Variants in LRRK2 observed in about 807,000 individuals in gnomAD.
The protein encoded by LRRK2 is leucine-rich repeat serine/threonine-protein kinase 2.
A neutral mutation model predicts 302.6 loss-of-function variants in LRRK2; 203 were observed. The observed-to-expected ratio is 0.67, with a 90% CI of 0.60 to 0.75. The LOEUF is 0.75. Ranked by LOEUF, LRRK2 falls within the 30% of genes least tolerant of loss-of-function variation. The pLI is 0.00. For synonymous variants in LRRK2, 1,066 were observed against 1,031.9 expected, an observed-to-expected ratio of 1.03 and a Z score of -0.63; for missense variants, 2,830 against 2,951.0, an observed-to-expected ratio of 0.96 and a Z score of 0.95.
At chr12:40,364,244 C>T (rs1387767297) in intron 48 of LRRK2, among the ~76,000 whole-genome samples, 2 of 151,930 alleles carry the variant, frequency 1.3e-5, no homozygotes, top group African/African-American at 4.8e-5. Flanking sequence ...TTAGATTCAT[C>T]TGACAGTTTT....
intron 2 of LRRK2, among the ~76,000 whole-genome samples, chr12:40,226,595 G>C (rs17490620): frequency 2.0e-5 from 3 of 152,086 alleles, no homozygotes; most frequent in Admixed American, 6.5e-5. Context: ...GAACCATCTA[G>C]CTTCTTTGAT....
rs1945448453 is a variant in LRRK2, at chr12:40,323,076, CATT to C, written c.5510-80_5510-78del. The C allele has an allele frequency of 1.3e-5, 14 of 1,102,934 alleles. No individual in the cohort carries two copies. The South Asian group carries it at 1.9e-4, about 15-fold the overall frequency. The allele number at this position is 1,102,934 out of a possible 1,614,324, so 68.3% of individuals were successfully genotyped here. A position where few individuals can be genotyped will look rare whatever the true frequency, so the allele number is the denominator to read the frequency against. ...GGATTAGAAATTATAGAAAATATTC[CATT>C]ATTTTTTCACATCAAAACCACAAAT... is the stretch of plus-strand genomic sequence containing the variant. On this transcript the variant is annotated intron_variant, in intron 37 of 50. Coordinates refer to ENST00000298910, the MANE Select transcript of LRRK2 (RefSeq NM_198578.4).
chr12:40,354,184 G>A, intron 44 of LRRK2, 115 bp from the exon 45 acceptor site: 2 of 849,602 alleles, frequency 2.4e-6, no homozygotes, highest in African/African-American at 1.7e-5. Flanking sequence ...GTTTTTAAAA[G>A]TAATGCAAGA....
chr12:40,322,310 A>G lies in LRRK2; in HGVS notation c.5318-9A>G. The G allele has an allele frequency of 6.2e-7, 1 of 1,613,342 alleles. No individual in the cohort carries two copies. The highest frequency in any genetic ancestry group is 2.2e-5 in the East Asian group (1 of 44,842). On this transcript the variant is annotated splice_polypyrimidine_tract_variant and intron_variant, in intron 36 of 50. Transcript: ENST00000298910. ...GACAAGGTGTTGAGCTCTGTTTTGA[A>G]TCATGTAGGCTGTATTCTTTTGGGC... is the stretch of plus-strand genomic sequence containing the variant.
rs1945426666 is a variant in LRRK2 at position 40,322,304 on chromosome 12, T to C, written c.5318-15T>C. On this transcript the variant is annotated splice_polypyrimidine_tract_variant and intron_variant, in intron 36 of 50. Coordinates refer to ENST00000298910, the MANE Select transcript of LRRK2 (RefSeq NM_198578.4). Reference sequence around the variant, plus strand: ...GGTTTAGACAAGGTGTTGAGCTCTGTTTTGAATCATGTAGGCTGTATTCTT... The same window carrying C: ...GGTTTAGACAAGGTGTTGAGCTCTGCTTTGAATCATGTAGGCTGTATTCTT... 3.1e-6 allele frequency: 5 copies of C among 1,613,556 alleles called. No individual in the cohort carries two copies. Among genetic ancestry groups the C allele is most frequent in the Non-Finnish European group, 3.4e-6 (4 of 1,179,560 alleles).
chr12:40,322,520 G>T lies in LRRK2; in HGVS notation c.5509+10G>T. On this transcript the variant is annotated intron_variant, in intron 37 of 50. Transcript: ENST00000298910. ...AAGAAAGCAGAGGAAGGTATGTTTT[G>T]ATACAACTTACAAATGCTTTTAAGT... The T allele has an allele frequency of 1.9e-6, 3 of 1,610,404 alleles. No homozygotes were observed. Among genetic ancestry groups the T allele is most frequent in the South Asian group, 1.1e-5 (1 of 90,674 alleles).
intron 14 of LRRK2, among the ~76,000 whole-genome samples, 157 bp from the exon 15 acceptor site, chr12:40,274,426 A>C (rs1943364800): frequency 6.6e-6 from 1 of 152,234 alleles, no homozygotes; most frequent in African/African-American, 2.4e-5. Flanking sequence ...CTTATTCTTC[A>C]TAATAAATAA....
intron 33 of LRRK2, among the ~76,000 whole-genome samples, chr12:40,317,998 T>A (rs1192627887): frequency 6.6e-6 from 1 of 152,052 alleles, no homozygotes; most frequent in East Asian, 1.9e-4. Context: ...GGTACATGCA[T>A]GTTTTTGGAG....
intron 23 of LRRK2, 129 bp from the exon 24 acceptor site, chr12:40,298,114 G>A: frequency 1.1e-6 from 1 of 894,050 alleles, no homozygotes; most frequent in South Asian, 1.6e-5. Context: ...TTCTGTTGTG[G>A]ATTGTGTTTT....
chr12:40,264,043 G>A (rs1942896211), intron 14 of LRRK2, 142 bp downstream of exon 14: 3 of 636,954 alleles, frequency 4.7e-6, no homozygotes, highest in Non-Finnish European at 8.5e-6. Context: ...GACATAAGAT[G>A]ACAGTGGGGA....
Position 40,331,479 on chromosome 12 carries a change from A to G in LRRK2, c.5757+3019A>G, listed in dbSNP as rs116447010. ...TTTGCTTCTTAATCTGCTGCAGAGT[A>G]TCTAGATCAGGGTGTCCAATCTTTT... On this transcript the variant is annotated intron_variant, in intron 39 of 50. Coordinates refer to ENST00000298910, the MANE Select transcript of LRRK2 (RefSeq NM_198578.4). 7.6e-3 allele frequency among the ~76,000 whole-genome samples: 1,156 copies of G among 152,280 alleles called. 17 individuals are homozygous for G. Among genetic ancestry groups the G allele is most frequent in the African/African-American group, 0.026 (1,075 of 41,526 alleles).
Position 40,352,907 on chromosome 12 carries a change from C to T in LRRK2, c.6576+1174C>T, listed in dbSNP as rs1461237288. Among the ~76,000 whole-genome samples, 12 of 152,260 alleles carry T rather than the reference C, an allele frequency of 7.9e-5. 1 individual carries two copies. Among genetic ancestry groups the T allele is most frequent in the Admixed American group, 6.5e-4 (10 of 15,288 alleles). On this transcript the variant is annotated intron_variant, in intron 44 of 50. Transcript: ENST00000298910. ...ATCTGATTTCTGTATCTTTTCCCCA[C>T]ATTTCCCCCTTTTCTACTCGACAAA...
chr12:40,286,263 G>A (rs1040576071), intron 19 of LRRK2: 28 of 151,958 alleles, frequency 1.8e-4, no homozygotes, highest in African/African-American at 6.8e-4. Flanking sequence ...GGTAGTATTT[G>A]CCTAAGTGAC....
At chr12:40,309,283 T>C in intron 30 of LRRK2, 50 bp downstream of exon 30, 1 of 1,472,100 alleles carries the variant, frequency 6.8e-7, no homozygotes. Flanking sequence ...TGTGTCTGTG[T>C]GCGTGTGTGT....
chr12:40,302,705 C>G (rs1038224310), intron 25 of LRRK2, 84 bp from the exon 26 acceptor site: 5 of 940,024 alleles, frequency 5.3e-6, no homozygotes, highest in Admixed American at 3.6e-5. Context: ...AAGTGACACA[C>G]TATTGGTAGC....
chr12:40,294,946 G>T, intron 22 of LRRK2, 32 bp downstream of exon 22: 1 of 1,310,884 alleles, frequency 7.6e-7, no homozygotes, highest in Middle Eastern at 2.1e-4. Flanking sequence ...TAAGTAAATA[G>T]ATATTTTGGG....
Position 40,321,193 on chromosome 12 carries a change from G to T in LRRK2, c.5170+5G>T, listed in dbSNP as rs756406737. 6.2e-7 allele frequency: 1 copy of T among 1,610,330 alleles called. No individual in the cohort carries two copies. The highest frequency in any genetic ancestry group is 2.2e-5 in the East Asian group (1 of 44,782). On this transcript the variant is annotated splice_donor_5th_base_variant and intron_variant, in intron 35 of 50. Coordinates refer to ENST00000298910, the MANE Select transcript of LRRK2 (RefSeq NM_198578.4). Reference sequence around the variant, plus strand: ...CTTACATGCTTTCAGGGAGAGGTAAGTATCTAATGAAGACTTATTAGATTT... The same window carrying T: ...CTTACATGCTTTCAGGGAGAGGTAATTATCTAATGAAGACTTATTAGATTT...
intron 33 of LRRK2, among the ~76,000 whole-genome samples, chr12:40,315,988 A>G (rs944857894): frequency 5.3e-5 from 8 of 151,988 alleles, no homozygotes; most frequent in Non-Finnish European, 1.0e-4. Flanking sequence ...TGTTAGCAGC[A>G]TTTTTGGCCT....
chr12:40,276,486 G>A (rs1275389350), intron 16 of LRRK2, among the ~76,000 whole-genome samples: 1 of 152,086 alleles, frequency 6.6e-6, no homozygotes, highest in East Asian at 1.9e-4. Context: ...AGCTGAGATG[G>A]GGTTTCGCCG....
Sources: gnomAD v4.1 joint callset for allele counts (sites outside exome capture counted in the v4.1 genomes callset) on GRCh38, gnomAD v4.1.1 for gene constraint, MANE v1.5 for transcripts, NCBI Gene and HGNC (gene_info 2026-07-23, HGNC 2026-07-21) for gene names.